ATP6V1C2: variants seen among roughly 807,000 people sequenced by gnomAD.
ATP6V1C2 encodes the protein ATPase H+ transporting V1 subunit C2, also known as V-type proton ATPase subunit C 2.
A neutral mutation model predicts 56.8 loss-of-function variants in ATP6V1C2; 45 were observed. The ratio of observed to expected loss-of-function variants is 0.79; its 90% CI spans 0.62 to 1.02. The LOEUF is 1.02. Among genes scored for constraint, ATP6V1C2 ranks in the 50% least tolerant of loss-of-function variants. ATP6V1C2 has a pLI of 0.00. For missense variants in ATP6V1C2, 463 were observed against 519.7 expected (o/e 0.89, Z 1.06); for synonymous variants, 220 against 201.3 (o/e 1.09, Z -0.79).
At chr2:10,770,095 T>TA (rs1248480854) in intron 6 of ATP6V1C2, 2 of 151,948 alleles carry the variant, frequency 1.3e-5, no homozygotes, top group African/African-American at 2.4e-5. Flanking sequence ...GAAGGAAAAT[T>TA]AAAAACCATA....
chr2:10,721,490 C>G (rs563254904), upstream of ATP6V1C2, among the ~76,000 whole-genome samples: 127 of 152,210 alleles, frequency 8.3e-4, 1 homozygote, highest in African/African-American at 2.9e-3. Flanking sequence ...CCTTCCTGCC[C>G]GGCGCCTGCA....
chr2:10,736,801 C>CTT (rs35166388), intron 3 of ATP6V1C2, among the ~76,000 whole-genome samples: 6 of 102,648 alleles, frequency 5.8e-5, no homozygotes, highest in Non-Finnish European at 8.5e-5. Context: ...AGATATTGTG[C>CTT]TTTTTTTTTT....
At chr2:10,740,283 T>C (rs1662477858) in intron 3 of ATP6V1C2, among the ~76,000 whole-genome samples, 1 of 152,178 alleles carries the variant, frequency 6.6e-6, no homozygotes, top group Non-Finnish European at 1.5e-5. Flanking sequence ...ATTGTTTTAA[T>C]GTGCATTTCT....
chr2:10,738,572 G>C (rs989651272), intron 3 of ATP6V1C2, among the ~76,000 whole-genome samples: 4 of 152,178 alleles, frequency 2.6e-5, no homozygotes, highest in African/African-American at 9.6e-5. Flanking sequence ...TCTCAGCAAG[G>C]CCTTTTTCAC....
chr2:10,759,572 A>G (rs1288517615), intron 4 of ATP6V1C2, among the ~76,000 whole-genome samples: 1 of 152,090 alleles, frequency 6.6e-6, no homozygotes, highest in East Asian at 1.9e-4. Context: ...CCCTCAGCCA[A>G]GGTCTGCGTT....
At chr2:10,755,409 T>C (rs1355086061) in intron 4 of ATP6V1C2, among the ~76,000 whole-genome samples, 1 of 152,200 alleles carries the variant, frequency 6.6e-6, no homozygotes, top group Non-Finnish European at 1.5e-5. Context: ...CTTAAACTCC[T>C]GGGCTCAAGC....
chr2:10,739,522 T>C (rs1446798472), intron 3 of ATP6V1C2, among the ~76,000 whole-genome samples: 1 of 151,964 alleles, frequency 6.6e-6, no homozygotes, highest in African/African-American at 2.4e-5. Flanking sequence ...GTCCTATGCC[T>C]GGAAGACCCC....
At chr2:10,724,054 G>A (rs768215704) in intron 2 of ATP6V1C2, among the ~76,000 whole-genome samples, 4 of 151,864 alleles carry the variant, frequency 2.6e-5, no homozygotes, top group African/African-American at 4.8e-5. Flanking sequence ...GAGCCACCAC[G>A]CCTGGCCACA....
intron 10 of ATP6V1C2, among the ~76,000 whole-genome samples, chr2:10,775,669 C>G (rs1192043227): frequency 2.0e-5 from 3 of 151,532 alleles, no homozygotes; most frequent in Non-Finnish European, 4.4e-5. Flanking sequence ...AAACTAGATG[C>G]TCACGTTTGA....
In ATP6V1C2 at chr2:10,764,214, C is replaced by T. The variant is rs984483474; in HGVS notation, c.284-117C>T. ...CCAGAGCCCTGTGCCTGCCCGCCGG[C>T]GTTGCCCATGATGGCTGCCTTCGTG... On this transcript the variant is annotated intron_variant, in intron 4 of 13. Coordinates refer to ENST00000272238, the MANE Select transcript of ATP6V1C2 (RefSeq NM_001039362.2). The T allele has an allele frequency of 8.2e-6, 7 of 855,936 alleles. No homozygotes were observed. In the African/African-American group the frequency reaches 1.2e-4, roughly 14 times the overall value. 53.0% of individuals were successfully genotyped at this position (855,936 alleles called of 1,614,324 possible).
intron 4 of ATP6V1C2, among the ~76,000 whole-genome samples, chr2:10,758,165 C>T (rs1043317336): frequency 2.0e-5 from 3 of 152,082 alleles, no homozygotes; most frequent in Non-Finnish European, 2.9e-5. Flanking sequence ...TCCTCGGGCC[C>T]GGGACTGCAA....
chr2:10,727,770 G>A (rs1402437267), intron 3 of ATP6V1C2, among the ~76,000 whole-genome samples: 6 of 151,634 alleles, frequency 4.0e-5, no homozygotes, highest in Non-Finnish European at 5.9e-5. Flanking sequence ...GTGGTGGCGG[G>A]TGCCTATAAT....
chr2:10,728,162 GC>G (rs1333196274), intron 3 of ATP6V1C2, among the ~76,000 whole-genome samples: 1 of 152,154 alleles, frequency 6.6e-6, no homozygotes, highest in Non-Finnish European at 1.5e-5. Context: ...GCTCAGTGCA[GC>G]CTTGAACTCC....
At chr2:10,729,383 C>T (rs955364659) in intron 3 of ATP6V1C2, among the ~76,000 whole-genome samples, 4 of 151,924 alleles carry the variant, frequency 2.6e-5, no homozygotes, top group Middle Eastern at 3.4e-3. Context: ...AGGCTGGTCT[C>T]GAACTCCTGA....
intron 5 of ATP6V1C2, 42 bp downstream of exon 5, chr2:10,764,467 T>A (rs1572578375): frequency 6.4e-7 from 1 of 1,571,246 alleles, no homozygotes; most frequent in Non-Finnish European, 8.8e-7. Flanking sequence ...GACTGGTGGG[T>A]CAGGCGGGCA....
In ATP6V1C2 at chr2:10,778,638, GC is replaced by G. The variant is rs1665153009; in HGVS notation, c.1033del (p.Leu345Ter). The G allele has an allele frequency of 6.2e-7, 1 of 1,614,192 alleles. No homozygotes were observed. The highest frequency in any genetic ancestry group is 1.3e-5 in the African/African-American group (1 of 75,054). ...EAFIAWIHIKALRVFVESVLR... is the reference protein window; with the variant it reads ...EAFIAWIHIKXLRVFVESVLR... Reference sequence around the variant, plus strand: ...CTTCATTGCCTGGATCCACATCAAGGCCCTGAGAGTGTTTGTGGAGTCCGTG... The same window carrying G: ...CTTCATTGCCTGGATCCACATCAAGGCCTGAGAGTGTTTGTGGAGTCCGTG... On this transcript the variant is annotated frameshift_variant, in exon 12 of 14. Coordinates refer to ENST00000272238, the MANE Select transcript of ATP6V1C2 (RefSeq NM_001039362.2). LOFTEE classifies it high-confidence loss of function.
At chr2:10,730,336 G>A (rs960229881) in intron 3 of ATP6V1C2, among the ~76,000 whole-genome samples, 5 of 151,886 alleles carry the variant, frequency 3.3e-5, no homozygotes, top group African/African-American at 4.8e-5. Flanking sequence ...GGCTGGTCTC[G>A]AACTCCTAAC....
intron 3 of ATP6V1C2, among the ~76,000 whole-genome samples, chr2:10,753,187 T>C (rs1160731011): frequency 6.6e-6 from 1 of 152,220 alleles, no homozygotes; most frequent in East Asian, 1.9e-4. Context: ...TTGGAAAATA[T>C]GTAAAGTAGG....
intron 3 of ATP6V1C2, among the ~76,000 whole-genome samples, chr2:10,748,872 G>C (rs574362683): frequency 1.6e-4 from 25 of 152,030 alleles, no homozygotes; most frequent in Non-Finnish European, 3.4e-4. Context: ...GCACATGCCT[G>C]TAATCCCAGC....
Sources: allele counts gnomAD v4.1 joint callset (sites outside exome capture counted in the v4.1 genomes callset), GRCh38; gene constraint gnomAD v4.1.1; transcripts MANE v1.5; gene names NCBI Gene and HGNC (gene_info 2026-07-23, HGNC 2026-07-21).